CDH4: variants seen among roughly 807,000 people sequenced by gnomAD.
The protein encoded by CDH4 is cadherin 4.
Under a neutral mutation model 86.0 loss-of-function variants are expected in CDH4, and 33 were observed. That is an observed-to-expected ratio of 0.38 (90% CI 0.29 to 0.51). CDH4 has a LOEUF of 0.51. Among genes scored for constraint, CDH4 ranks in the 20% least tolerant of loss-of-function variants. The pLI, the probability that CDH4 is intolerant of heterozygous loss-of-function variation, is 0.86. For missense variants in CDH4, 1,114 were observed against 1,307.4 expected (o/e 0.85, Z 2.28); for synonymous variants, 555 against 549.4 (o/e 1.01, Z -0.14).
At chr20:61,492,160 T>TTGGTGTCGATATTGTTGATATTGG (rs1186929229) in intron 2 of CDH4, among the ~76,000 whole-genome samples, 1 of 149,208 alleles carries the variant, frequency 6.7e-6, no homozygotes, top group African/African-American at 2.5e-5. Flanking sequence ...GCTGATGTTG[T>TTGGTGTCGATATTGTTGATATTGG]TGGTGTCGAT....
intron 3 of CDH4, among the ~76,000 whole-genome samples, chr20:61,766,576 C>A (rs1301046316): frequency 6.6e-6 from 1 of 152,210 alleles, no homozygotes; most frequent in South Asian, 2.1e-4. Flanking sequence ...TCCTGATCAT[C>A]CCCCTTTCAC....
intron 2 of CDH4, among the ~76,000 whole-genome samples, chr20:61,449,892 G>A (rs1233193484): frequency 6.6e-6 from 1 of 152,168 alleles, no homozygotes; most frequent in East Asian, 1.9e-4. Flanking sequence ...TAACCAAGTT[G>A]GAAAATATGC....
intron 2 of CDH4, among the ~76,000 whole-genome samples, chr20:61,697,815 G>A (rs2087731461): frequency 6.6e-6 from 1 of 152,226 alleles, no homozygotes; most frequent in African/African-American, 2.4e-5. Context: ...TGCTGCTCCT[G>A]CTCCAGGCTG....
chr20:61,803,251 C>A (rs531520376), intron 4 of CDH4, among the ~76,000 whole-genome samples: 5 of 152,138 alleles, frequency 3.3e-5, no homozygotes, highest in African/African-American at 1.2e-4. Context: ...GTACTCTCCA[C>A]GCTCGGCACA....
At chr20:61,527,915 A>T (rs974014722) in intron 2 of CDH4, among the ~76,000 whole-genome samples, 1 of 152,100 alleles carries the variant, frequency 6.6e-6, no homozygotes, top group Non-Finnish European at 1.5e-5. Flanking sequence ...CCCTTTCCGC[A>T]TCTTGCTCTG....
At chr20:61,825,217 G>A (rs1981253738) in intron 4 of CDH4, among the ~76,000 whole-genome samples, 1 of 152,022 alleles carries the variant, frequency 6.6e-6, no homozygotes, top group Admixed American at 6.6e-5. Context: ...AGACCAGCTG[G>A]GCAAAATGGT....
intron 4 of CDH4, among the ~76,000 whole-genome samples, chr20:61,819,813 G>A (rs1394363425): frequency 6.6e-6 from 1 of 152,204 alleles, no homozygotes; most frequent in Non-Finnish European, 1.5e-5. Context: ...TTGTGCTGAT[G>A]AAATGCATAT....
chr20:61,799,640 A>G (rs4925287), intron 4 of CDH4, among the ~76,000 whole-genome samples: 2,500 of 152,182 alleles, frequency 0.016, 60 homozygotes, highest in Admixed American at 0.066. Context: ...GGCACTGGGG[A>G]TAGGAGGGGT....
At chr20:61,540,734 G>C (rs958536026) in intron 2 of CDH4, among the ~76,000 whole-genome samples, 3 of 152,056 alleles carry the variant, frequency 2.0e-5, no homozygotes, top group Admixed American at 6.5e-5. Context: ...TAGAATCCAA[G>C]CAGTAAGACT....
At chr20:61,521,094 G>A (rs552941354) in intron 2 of CDH4, among the ~76,000 whole-genome samples, 6 of 152,292 alleles carry the variant, frequency 3.9e-5, no homozygotes, top group African/African-American at 1.2e-4. Context: ...TGTCTTTTGC[G>A]ATCATCCCAT....
intron 4 of CDH4, among the ~76,000 whole-genome samples, chr20:61,819,268 G>A (rs1980893120): frequency 6.6e-6 from 1 of 152,248 alleles, no homozygotes; most frequent in Non-Finnish European, 1.5e-5. Flanking sequence ...CAGGGCAGCT[G>A]AACCGGTGCT....
At chr20:61,845,311 G>A (rs992230600) in intron 5 of CDH4, among the ~76,000 whole-genome samples, 2 of 152,212 alleles carry the variant, frequency 1.3e-5, no homozygotes, top group African/African-American at 2.4e-5. Flanking sequence ...GACGTCTCTC[G>A]CGGCAGAAAG....
In CDH4 at chr20:61,676,959, T is replaced by A. The variant is rs1304346746; in HGVS notation, c.170-66604T>A. 1.3e-5 allele frequency among the ~76,000 whole-genome samples: 2 copies of A among 152,050 alleles called. No homozygotes were observed. The highest frequency in any genetic ancestry group is 3.9e-4 in the East Asian group (2 of 5,174). On this transcript the variant is annotated intron_variant, in intron 2 of 15. Transcript: ENST00000614565. The surrounding 1 kb of genome is among the most constrained non-coding windows in gnomAD (Gnocchi z 4.5). ...GCAGTGGGACCAGCGGTCCAAGACCTTGGGGCAGGAGGGGCTGTGGTGTGG... is the reference window on the plus strand; with the variant it reads ...GCAGTGGGACCAGCGGTCCAAGACCATGGGGCAGGAGGGGCTGTGGTGTGG...
chr20:61,454,639 G>C (rs1344074880), intron 2 of CDH4, among the ~76,000 whole-genome samples: 1 of 152,148 alleles, frequency 6.6e-6, no homozygotes, highest in Non-Finnish European at 1.5e-5. Context: ...TAGAAACGGG[G>C]TTTCACCGTG....
At chr20:61,819,583 T>C (rs980047447) in intron 4 of CDH4, among the ~76,000 whole-genome samples, 48 of 152,212 alleles carry the variant, frequency 3.2e-4, no homozygotes, top group Admixed American at 3.0e-3. Context: ...CAGCACTGTT[T>C]TGCCATGATT....
At chr20:61,920,025 C>CATG (rs2054953541) in intron 9 of CDH4, among the ~76,000 whole-genome samples, 2 of 8,302 alleles carry the variant, frequency 2.4e-4, no homozygotes, top group Non-Finnish European at 5.0e-4. Flanking sequence ...TGCGTGGAAG[C>CATG]GTGTCGTGAT....
At chr20:61,297,836 C>T (rs1265401628) in intron 2 of CDH4, among the ~76,000 whole-genome samples, 1 of 152,270 alleles carries the variant, frequency 6.6e-6, no homozygotes, top group Middle Eastern at 3.2e-3. Flanking sequence ...CTTGGCTGAA[C>T]TTTTCAGGAA....
intron 4 of CDH4, among the ~76,000 whole-genome samples, chr20:61,776,709 G>A (rs1406413756): frequency 2.0e-5 from 3 of 152,226 alleles, no homozygotes; most frequent in Non-Finnish European, 4.4e-5. Context: ...TGCTCACTGT[G>A]AAGGTTGGTG....
intron 2 of CDH4, among the ~76,000 whole-genome samples, chr20:61,337,467 GTGA>G (rs1337110833): frequency 3.3e-5 from 5 of 150,486 alleles, no homozygotes; most frequent in East Asian, 2.0e-4. Flanking sequence ...AAGAAAGAGG[GTGA>G]TGATGATAAT....
Sources: gnomAD v4.1 joint callset for allele counts (sites outside exome capture counted in the v4.1 genomes callset) on GRCh38, gnomAD v4.1.1 for gene constraint, Gnocchi (gnomAD v3.1) non-coding constraint, MANE v1.5 for transcripts, NCBI Gene and HGNC (gene_info 2026-07-23, HGNC 2026-07-21) for gene names.